ENTREP2: variants seen among roughly 807,000 people sequenced by gnomAD.
The protein encoded by ENTREP2 is protein ENTREP2.
At chr15:29,162,897 G>A in the ENTREP2 span, among the ~76,000 whole-genome samples, 6 of 152,044 alleles carry the variant, frequency 3.9e-5, no homozygotes, top group African/African-American at 1.4e-4. Flanking sequence ...GAGCCCTCAC[G>A]AAGTCCACTG....
chr15:29,572,936 T>G, the ENTREP2 span, among the ~76,000 whole-genome samples: 1 of 151,468 alleles, frequency 6.6e-6, no homozygotes, highest in East Asian at 1.9e-4. Flanking sequence ...TGAAAGAGTG[T>G]TCAGAGGCTG....
the ENTREP2 span, among the ~76,000 whole-genome samples, chr15:29,130,121 CCACA>C: frequency 3.3e-5 from 5 of 152,284 alleles, no homozygotes; most frequent in South Asian, 8.3e-4. Context: ...GCCTTCCCAC[CCACA>C]CAAAGGGTGT....
the ENTREP2 span, among the ~76,000 whole-genome samples, chr15:29,560,819 C>T: frequency 5.0e-4 from 76 of 151,802 alleles, no homozygotes; most frequent in African/African-American, 1.6e-3. Flanking sequence ...CTTTATTCCA[C>T]ACACTGTCCA....
chr15:29,584,822 C>T, the ENTREP2 span, among the ~76,000 whole-genome samples: 2 of 152,032 alleles, frequency 1.3e-5, no homozygotes, highest in African/African-American at 4.8e-5. Context: ...TTCACATACA[C>T]AAAGAATGGT....
the ENTREP2 span, among the ~76,000 whole-genome samples, chr15:29,593,241 G>A: frequency 0.011 from 1,723 of 152,198 alleles, 30 homozygotes; most frequent in African/African-American, 0.039. Context: ...TAGCTATAAC[G>A]TACTCTCCCA....
At chr15:29,616,000 C>T in the ENTREP2 span, among the ~76,000 whole-genome samples, 3 of 152,198 alleles carry the variant, frequency 2.0e-5, no homozygotes, top group Non-Finnish European at 4.4e-5. Context: ...GCAGCCCCCA[C>T]CCCGGTTCAC....
chr15:29,233,745 CAGA>C, the ENTREP2 span: 3 of 1,476,094 alleles, frequency 2.0e-6, no homozygotes, highest in African/African-American at 1.4e-5. Flanking sequence ...TTGTTAACCA[CAGA>C]AGAAGGTGAA....
chr15:29,304,030 G>A, the ENTREP2 span, among the ~76,000 whole-genome samples: 1 of 152,028 alleles, frequency 6.6e-6, no homozygotes, highest in Non-Finnish European at 1.5e-5. Context: ...ACAGACAGCT[G>A]CCACCATGCC....
At chr15:29,127,340 G>A in the ENTREP2 span, among the ~76,000 whole-genome samples, 2 of 152,158 alleles carry the variant, frequency 1.3e-5, no homozygotes, top group African/African-American at 2.4e-5. Flanking sequence ...CAGTGGAGTT[G>A]CCTGCATGGG....
the ENTREP2 span, among the ~76,000 whole-genome samples, chr15:29,650,838 G>A: frequency 2.0e-5 from 3 of 151,764 alleles, no homozygotes; most frequent in Non-Finnish European, 4.4e-5. Context: ...GCAAGACCCT[G>A]TTTCCAAAAA....
At chr15:29,344,612 G>A in the ENTREP2 span, among the ~76,000 whole-genome samples, 1 of 152,116 alleles carries the variant, frequency 6.6e-6, no homozygotes, top group Non-Finnish European at 1.5e-5. Flanking sequence ...CTTCAAGTAA[G>A]TTGCCTTAGT....
At chr15:29,563,859 A>ATAAATAAATAAATAAATAAG in the ENTREP2 span, among the ~76,000 whole-genome samples, 19 of 151,698 alleles carry the variant, frequency 1.3e-4, no homozygotes, top group Admixed American at 4.6e-4. Flanking sequence ...AAATAAATAA[A>ATAAATAAATAAATAAATAAG]TAAATAAGTA....
the ENTREP2 span, among the ~76,000 whole-genome samples, chr15:29,621,510 G>C: frequency 1.9e-5 from 2 of 105,906 alleles, no homozygotes; most frequent in African/African-American, 3.7e-5. Flanking sequence ...GTGACAGAGT[G>C]AGACTCTGTC....
the ENTREP2 span, among the ~76,000 whole-genome samples, chr15:29,665,512 C>A: frequency 6.6e-6 from 1 of 152,192 alleles, no homozygotes; most frequent in African/African-American, 2.4e-5. Context: ...CTCCAGGGAA[C>A]CCTTACACCC....
the ENTREP2 span, among the ~76,000 whole-genome samples, chr15:29,590,303 G>A: frequency 3.5e-4 from 53 of 152,240 alleles, no homozygotes; most frequent in South Asian, 1.2e-3. Context: ...CCTCTTCAGA[G>A]GAGCTCTGCC....
the ENTREP2 span, among the ~76,000 whole-genome samples, chr15:29,467,419 C>T: frequency 1.3e-5 from 2 of 152,286 alleles, no homozygotes; most frequent in South Asian, 4.1e-4. Context: ...CATGCCTGTT[C>T]CCTTCAGAAA....
the ENTREP2 span, among the ~76,000 whole-genome samples, chr15:29,176,038 A>G: frequency 6.6e-6 from 1 of 152,280 alleles, no homozygotes; most frequent in Non-Finnish European, 1.5e-5. Flanking sequence ...GACGAAGCTA[A>G]AAAGAATGAA....
At chr15:29,290,852 A>C in the ENTREP2 span, among the ~76,000 whole-genome samples, 2 of 152,196 alleles carry the variant, frequency 1.3e-5, no homozygotes, top group African/African-American at 4.8e-5. Flanking sequence ...GTGGGAGCCA[A>C]AGGGAGTGAA....
the ENTREP2 span, among the ~76,000 whole-genome samples, chr15:29,520,393 T>A: frequency 6.6e-6 from 1 of 152,188 alleles, no homozygotes; most frequent in Non-Finnish European, 1.5e-5. Context: ...GCAAACTGAC[T>A]GTCAGAGACC....
Sources: allele counts gnomAD v4.1 joint callset (sites outside exome capture counted in the v4.1 genomes callset), GRCh38; gene constraint gnomAD v4.1.1; transcripts MANE v1.5; gene names NCBI Gene and HGNC (gene_info 2026-07-23, HGNC 2026-07-21).